Variants in HECA observed in about 807,000 individuals in gnomAD.
The protein encoded by HECA is headcase protein homolog.
A neutral mutation model predicts 37.6 loss-of-function variants in HECA; 13 were observed. That is an observed-to-expected ratio of 0.35 (90% CI 0.23 to 0.55). The LOEUF (loss-of-function observed/expected upper bound fraction) is 0.55, where lower values mean the gene tolerates loss of function less well. Ranked by LOEUF, HECA falls within the 20% of genes least tolerant of loss-of-function variation. HECA has a pLI of 0.90. For synonymous variants in HECA, 307 were observed against 291.5 expected, an observed-to-expected ratio of 1.05 and a Z score of -0.54; for missense variants, 527 against 701.9, an observed-to-expected ratio of 0.75 and a Z score of 2.82.
In HECA at chr6:139,179,882, A is replaced by G. The variant is rs1311510035; in HGVS notation, c.*2777A>G. The G allele has an allele frequency of 6.6e-6, 1 of 152,186 alleles. No homozygotes were observed. The highest frequency in any genetic ancestry group is 1.5e-5 in the Non-Finnish European group (1 of 68,016). The allele number at this position is 152,186 out of a possible 1,614,324, so 9.4% of individuals were successfully genotyped here. A position where few individuals can be genotyped will look rare whatever the true frequency, so the allele number is the denominator to read the frequency against. On this transcript the variant is annotated 3_prime_UTR_variant, in exon 4 of 4. Transcript: ENST00000367658. Reference sequence around the variant, plus strand: ...GAAGCAGTCTTAAGAGTGACTAATAATTTCAAAGTGATTTTTCGTCTATTC... The same window carrying G: ...GAAGCAGTCTTAAGAGTGACTAATAGTTTCAAAGTGATTTTTCGTCTATTC...
chr6:139,156,457 G>C (rs529690423), intron 1 of HECA, among the ~76,000 whole-genome samples: 7 of 152,160 alleles, frequency 4.6e-5, no homozygotes, highest in Non-Finnish European at 8.8e-5. Flanking sequence ...TGACCTTCCT[G>C]CCTTGGCCTC....
chr6:139,140,540 G>C lies in HECA; in HGVS notation c.271+4873G>C, dbSNP rs367843872. On this transcript the variant is annotated intron_variant, in intron 1 of 3. Coordinates refer to ENST00000367658, the MANE Select transcript of HECA (RefSeq NM_016217.3). ...TCTTTCTCTCATTCTTTACTTGTTA[G>C]AGGATCTGTGATCTGTCCTTAAGTT... Among the ~76,000 whole-genome samples, 11 of 152,306 alleles carry C rather than the reference G, an allele frequency of 7.2e-5. No individual in the cohort carries two copies. In the East Asian group the frequency reaches 1.2e-3, roughly 16 times the overall value.
intron 1 of HECA, among the ~76,000 whole-genome samples, chr6:139,159,796 A>C (rs1774771575): frequency 6.6e-6 from 1 of 152,214 alleles, no homozygotes; most frequent in Admixed American, 6.5e-5. Flanking sequence ...TTTTGCCTGG[A>C]AAGCCTCATA....
chr6:139,165,042 T>A (rs1271176219), intron 1 of HECA, among the ~76,000 whole-genome samples: 1 of 152,234 alleles, frequency 6.6e-6, no homozygotes, highest in Non-Finnish European at 1.5e-5. Context: ...ACATTAATGA[T>A]CCTTTATGTG....
At chr6:139,173,766 C>CTTTT (rs1385838151) in intron 2 of HECA, among the ~76,000 whole-genome samples, 5 of 152,290 alleles carry the variant, frequency 3.3e-5, no homozygotes, top group African/African-American at 1.2e-4. Context: ...CATGTTGTAA[C>CTTTT]TTTTAAGAGC....
chr6:139,147,498 G>A (rs1477177603), intron 1 of HECA, among the ~76,000 whole-genome samples: 1 of 152,072 alleles, frequency 6.6e-6, no homozygotes, highest in Non-Finnish European at 1.5e-5. Context: ...GGTGATGTGT[G>A]CCTGTAGTCC....
At chr6:139,165,553 C>T (rs891250039) in intron 1 of HECA, among the ~76,000 whole-genome samples, 1 of 151,548 alleles carries the variant, frequency 6.6e-6, no homozygotes, top group Non-Finnish European at 1.5e-5. Flanking sequence ...CTGTGCTTCA[C>T]CTGCTCATCC....
In HECA at chr6:139,135,450, C is replaced by T. The variant is rs1251367687; in HGVS notation, c.54C>T (p.Ser18=). 3 of 1,357,076 alleles carry T rather than the reference C, an allele frequency of 2.2e-6. No homozygotes were observed. Among genetic ancestry groups the T allele is most frequent in the Admixed American group, 5.3e-5 (2 of 38,066 alleles). The allele number at this position is 1,357,076 out of a possible 1,614,324, so 84.1% of individuals were successfully genotyped here. A position where few individuals can be genotyped will look rare whatever the true frequency, so the allele number is the denominator to read the frequency against. Residue 18 remains serine (S), a synonymous_variant, in exon 1 of 4, where the codon AGC becomes AGT. Transcript: ENST00000367658. ...KGGRKNKRAN[S]SGDEQENGAG... is the part of the protein sequence containing the mutation. ...GCCGCAAAAACAAGCGCGCCAACAG[C>T]AGCGGCGACGAGCAGGAAAATGGAG...
At chr6:139,172,337 T>C (rs753044542) in intron 2 of HECA, among the ~76,000 whole-genome samples, 2 of 152,210 alleles carry the variant, frequency 1.3e-5, no homozygotes, top group Non-Finnish European at 2.9e-5. Context: ...TTGCACAGCA[T>C]GCGGGGCTGA....
intron 1 of HECA, among the ~76,000 whole-genome samples, chr6:139,149,618 G>C (rs1726304503): frequency 6.6e-6 from 1 of 152,164 alleles, no homozygotes. Context: ...TCTGTATTCT[G>C]CTGCTTTGGG....
In HECA at chr6:139,135,548, G is replaced by GGGC. The variant is rs893354464; in HGVS notation, c.164_166dup (p.Ala55dup). 13 of 976,464 alleles carry GGGC rather than the reference G, an allele frequency of 1.3e-5. No homozygotes were observed. The highest frequency in any genetic ancestry group is 6.4e-5 in the Admixed American group (1 of 15,624). 60.5% of individuals were successfully genotyped at this position (976,464 alleles called of 1,614,324 possible). A position where few individuals can be genotyped will look rare whatever the true frequency, so the allele number is the denominator to read the frequency against. ...GCCCTGGCGGCGGCGGCCGGTTGCG[G>GGGC]GGCGGCGGCGGCGGGCGCGCCGGGC... On this transcript the variant is annotated inframe_insertion, in exon 1 of 4. Transcript: ENST00000367658.
At chr6:139,156,038 A>C (rs1774707962) in intron 1 of HECA, among the ~76,000 whole-genome samples, 1 of 151,820 alleles carries the variant, frequency 6.6e-6, no homozygotes, top group African/African-American at 2.4e-5. Flanking sequence ...TATTTTATAA[A>C]TATGTTTATA....
At chr6:139,156,272 G>A (rs1774710895) in intron 1 of HECA, among the ~76,000 whole-genome samples, 1 of 151,998 alleles carries the variant, frequency 6.6e-6, no homozygotes. Flanking sequence ...CATGATCTTG[G>A]CTCACTGCAG....
intron 1 of HECA, among the ~76,000 whole-genome samples, chr6:139,151,934 CT>C (rs1452516349): frequency 1.3e-5 from 2 of 152,174 alleles, no homozygotes; most frequent in African/African-American, 4.8e-5. Flanking sequence ...GAGAAGGCCA[CT>C]TACTAGCTGA....
In HECA at chr6:139,135,287, G is replaced by A. The variant is rs1409021918; in HGVS notation, c.-110G>A. The A allele has an allele frequency of 6.6e-6, 6 of 906,380 alleles. No homozygotes were observed. In the East Asian group the frequency reaches 4.3e-4, roughly 64 times the overall value. 56.1% of individuals were successfully genotyped at this position (906,380 alleles called of 1,614,324 possible). A position where few individuals can be genotyped will look rare whatever the true frequency, so the allele number is the denominator to read the frequency against. On this transcript the variant is annotated 5_prime_UTR_variant, in exon 1 of 4. Coordinates refer to ENST00000367658, the MANE Select transcript of HECA (RefSeq NM_016217.3). The stretch of plus-strand genomic sequence containing the variant: ...CGGGAGCCGAGGGAACCGCCGGCTC[G>A]CGCCCTCCGTTCTTTCCCGGAGCCG...
chr6:139,168,496 AT>A lies in HECA; in HGVS notation c.1312+1175del, dbSNP rs550967433. On this transcript the variant is annotated intron_variant, in intron 2 of 3. Transcript: ENST00000367658. ...GCTTTACAAACCATCTTTCAAAGAC[AT>A]TTCCACATACCTGTCAGATTTTTTT... Among the ~76,000 whole-genome samples, 22 of 149,920 alleles carry A rather than the reference AT, an allele frequency of 1.5e-4. No homozygotes were observed. The East Asian group carries it at 4.1e-3, about 28-fold the overall frequency.
At chr6:139,165,082 A>G (rs1272660983) in intron 1 of HECA, among the ~76,000 whole-genome samples, 2 of 152,174 alleles carry the variant, frequency 1.3e-5, no homozygotes, top group African/African-American at 2.4e-5. Flanking sequence ...CTTTATAAGC[A>G]TTTCTTATTT....
intron 1 of HECA, among the ~76,000 whole-genome samples, chr6:139,154,701 T>TTGGCCTC (rs1433333052): frequency 6.6e-6 from 1 of 152,256 alleles, no homozygotes; most frequent in Non-Finnish European, 1.5e-5. Context: ...GCCATGGCCT[T>TTGGCCTC]TGGCCTCCAA....
At chr6:139,162,969 A>G (rs571837193) in intron 1 of HECA, among the ~76,000 whole-genome samples, 1 of 152,238 alleles carries the variant, frequency 6.6e-6, no homozygotes, top group East Asian at 1.9e-4. Context: ...TACCCTCTGG[A>G]AAGAGTTTCC....
Sources: gnomAD v4.1 joint callset for allele counts (sites outside exome capture counted in the v4.1 genomes callset) on GRCh38, gnomAD v4.1.1 for gene constraint, MANE v1.5 for transcripts, NCBI Gene and HGNC (gene_info 2026-07-23, HGNC 2026-07-21) for gene names.